Variants in KCNB2 observed in about 807,000 individuals in gnomAD.
KCNB2 encodes the protein potassium voltage-gated channel subfamily B member 2.
KCNB2 carries 15 observed loss-of-function variants against 61.5 expected under a neutral mutation model. That is an observed-to-expected ratio of 0.24 (90% confidence interval 0.16 to 0.38). KCNB2 has a LOEUF of 0.38. Ranked by LOEUF, KCNB2 falls within the 10% of genes least tolerant of loss-of-function variation. The pLI is 1.00. For missense variants in KCNB2, 828 were observed against 1,125.2 expected (o/e 0.74, Z 3.78); for synonymous variants, 457 against 446.0 (o/e 1.02, Z -0.31).
At chr8:72,554,919 A>G (rs1806400075) in intron 1 of KCNB2, among the ~76,000 whole-genome samples, 1 of 152,046 alleles carries the variant, frequency 6.6e-6, no homozygotes, top group African/African-American at 2.4e-5. Flanking sequence ...GGGGTAGACA[A>G]AATATTACAG....
intron 2 of KCNB2, among the ~76,000 whole-genome samples, chr8:72,683,435 A>T (rs147050861): frequency 2.2e-3 from 337 of 151,786 alleles, no homozygotes; most frequent in African/African-American, 8.0e-3. Flanking sequence ...CAAGCAACTT[A>T]AAAAAATTAA....
chr8:72,806,164 C>T (rs1053301759), intron 2 of KCNB2, among the ~76,000 whole-genome samples: 2 of 151,974 alleles, frequency 1.3e-5, no homozygotes, highest in Non-Finnish European at 2.9e-5. Flanking sequence ...TCAAGACCAG[C>T]CTGGCCAACA....
chr8:72,671,284 G>T (rs1435481177), intron 2 of KCNB2, among the ~76,000 whole-genome samples: 1 of 152,120 alleles, frequency 6.6e-6, no homozygotes, highest in Non-Finnish European at 1.5e-5. Context: ...AATGATTGTA[G>T]ATGTACAAAT....
chr8:72,661,841 T>C (rs193136441), intron 2 of KCNB2, among the ~76,000 whole-genome samples: 11 of 152,324 alleles, frequency 7.2e-5, no homozygotes, highest in African/African-American at 2.2e-4. Flanking sequence ...GCTCTAAAAA[T>C]CTCTATTTTA....
intron 2 of KCNB2, among the ~76,000 whole-genome samples, chr8:72,592,453 CTGTGTGTG>C (rs10676983): frequency 1.0e-4 from 15 of 149,576 alleles, no homozygotes; most frequent in Non-Finnish European, 1.5e-5. Context: ...ATTATCAACT[CTGTGTGTG>C]TGTGTGTGTG....
Position 72,935,932 on chromosome 8 carries a change from C to T in KCNB2, c.580-3C>T, listed in dbSNP as rs780063962. ...TGCTGACTTGGACTTTTCTCTTTTC[C>T]AGATCCTGGCCATCGTGTCTATCCT... On this transcript the variant is annotated splice_polypyrimidine_tract_variant and splice_region_variant and intron_variant, in intron 2 of 2. Transcript: ENST00000523207. The T allele has an allele frequency of 6.2e-7, 1 of 1,608,784 alleles. No homozygotes were observed. The highest frequency in any genetic ancestry group is 8.5e-7 in the Non-Finnish European group (1 of 1,176,080).
chr8:72,799,513 T>C (rs1809087942), intron 2 of KCNB2, among the ~76,000 whole-genome samples: 1 of 152,124 alleles, frequency 6.6e-6, no homozygotes, highest in Non-Finnish European at 1.5e-5. Flanking sequence ...TTCAAAACAC[T>C]GATGAAACAA....
chr8:72,807,413 TTATTA>T (rs1409328448), intron 2 of KCNB2, among the ~76,000 whole-genome samples: 1 of 152,180 alleles, frequency 6.6e-6, no homozygotes. Flanking sequence ...CAGGTATAAG[TTATTA>T]CTGTGCTTCC....
intron 2 of KCNB2, among the ~76,000 whole-genome samples, chr8:72,781,802 T>G (rs566970258): frequency 6.6e-6 from 1 of 152,180 alleles, no homozygotes; most frequent in Non-Finnish European, 1.5e-5. Flanking sequence ...TGAGATCATG[T>G]CCTTTGCAGG....
chr8:72,854,089 AT>A (rs1810165337), intron 2 of KCNB2, among the ~76,000 whole-genome samples: 1 of 152,160 alleles, frequency 6.6e-6, no homozygotes, highest in Non-Finnish European at 1.5e-5. Context: ...TGAGGTATTT[AT>A]TTACTTATTT....
intron 2 of KCNB2, among the ~76,000 whole-genome samples, chr8:72,724,219 T>C (rs1807596337): frequency 6.6e-6 from 1 of 152,210 alleles, no homozygotes; most frequent in Non-Finnish European, 1.5e-5. Context: ...ATTTTTGTTG[T>C]GTACCCACAG....
Position 72,607,674 on chromosome 8 carries a change from A to G in KCNB2, c.579+39361A>G, listed in dbSNP as rs536487681. ...TGTTTTTTAATCCTCAGATATAGCTATAGAAAATTCTCCTCTAGTCTCTAA... is the reference window on the plus strand; with the variant it reads ...TGTTTTTTAATCCTCAGATATAGCTGTAGAAAATTCTCCTCTAGTCTCTAA... On this transcript the variant is annotated intron_variant, in intron 2 of 2. Coordinates refer to ENST00000523207, the MANE Select transcript of KCNB2 (RefSeq NM_004770.3). Among the ~76,000 whole-genome samples, 120 of 152,322 alleles carry G rather than the reference A, an allele frequency of 7.9e-4. 3 individuals are homozygous for G. The South Asian group carries it at 0.024, about 31-fold the overall frequency.
intron 2 of KCNB2, among the ~76,000 whole-genome samples, chr8:72,849,164 T>TTTG (rs1810049981): frequency 6.6e-6 from 1 of 151,276 alleles, no homozygotes; most frequent in African/African-American, 2.4e-5. Context: ...ATTTTTTTTA[T>TTTG]TTTACAATAT....
intron 2 of KCNB2, among the ~76,000 whole-genome samples, chr8:72,759,220 G>T (rs537548688): frequency 1.3e-5 from 2 of 152,098 alleles, no homozygotes; most frequent in African/African-American, 4.8e-5. Context: ...AAAAAAATTC[G>T]TTCTTGGCTC....
At chr8:72,665,688 A>C in intron 2 of KCNB2, among the ~76,000 whole-genome samples, 1 of 152,204 alleles carries the variant, frequency 6.6e-6, no homozygotes, top group South Asian at 2.1e-4. Context: ...GGAGACTAAC[A>C]TGTAAGTTTG....
chr8:72,776,159 C>A (rs1187248150), intron 2 of KCNB2, among the ~76,000 whole-genome samples: 2 of 150,520 alleles, frequency 1.3e-5, no homozygotes, highest in African/African-American at 4.9e-5. Flanking sequence ...GGACAAAAAA[C>A]CAAACACCGC....
At chr8:72,617,526 G>T (rs1805638566) in intron 2 of KCNB2, among the ~76,000 whole-genome samples, 1 of 151,418 alleles carries the variant, frequency 6.6e-6, no homozygotes, top group South Asian at 2.1e-4. Context: ...ATTTCCATTT[G>T]GTCCTCACTT....
At chr8:72,588,433 C>T (rs1291727051) in intron 2 of KCNB2, among the ~76,000 whole-genome samples, 1 of 151,720 alleles carries the variant, frequency 6.6e-6, no homozygotes, top group Non-Finnish European at 1.5e-5. Flanking sequence ...GTCAGGCTGA[C>T]CTCAGGTGAT....
At chr8:72,818,876 G>A (rs1284799066) in intron 2 of KCNB2, among the ~76,000 whole-genome samples, 1 of 151,908 alleles carries the variant, frequency 6.6e-6, no homozygotes, top group Non-Finnish European at 1.5e-5. Context: ...TTTCCATTCT[G>A]TCTGAGTTTA....
Sources: gnomAD v4.1 joint callset for allele counts (sites outside exome capture counted in the v4.1 genomes callset) on GRCh38, gnomAD v4.1.1 for gene constraint, MANE v1.5 for transcripts, NCBI Gene and HGNC (gene_info 2026-07-23, HGNC 2026-07-21) for gene names.